Variants in SGSM1 observed in about 807,000 individuals in gnomAD.
SGSM1 encodes the protein small G protein signaling modulator 1, also known as RUN and TBC1 domain containing 2.
SGSM1 carries 73 observed loss-of-function variants against 133.8 expected under a neutral mutation model. That is an observed-to-expected ratio of 0.55 (90% CI 0.45 to 0.66). The LOEUF (loss-of-function observed/expected upper bound fraction) is 0.66. SGSM1 is among the 30% of genes least tolerant of loss of function. The pLI is 0.00. For missense variants in SGSM1, 1,213 were observed against 1,448.1 expected, an observed-to-expected ratio of 0.84 and a Z score of 2.64; for synonymous variants, 563 against 573.0, an observed-to-expected ratio of 0.98 and a Z score of 0.25.
At chr22:24,921,891 G>C (rs1426540334) in intron 24 of SGSM1, among the ~76,000 whole-genome samples, 1 of 151,952 alleles carries the variant, frequency 6.6e-6, no homozygotes, top group African/African-American at 2.4e-5. Context: ...AGTAGAGACA[G>C]GGTTTCTCCA....
rs769127682 is a variant in SGSM1 at position 24,912,766 on chromosome 22, TCCATTCTTG to T, written c.2928+16_2928+24del. On this transcript the variant is annotated intron_variant, in intron 22 of 24. Transcript: ENST00000400358. ...TCGTTGATCCAGGTATGACCCAGCA[TCCATTCTTG>T]CTTTGGACTTTTTTGGGAAACAGTT... 2.5e-6 allele frequency: 4 copies of T among 1,594,776 alleles called. No homozygotes were observed. In the African/African-American group the frequency reaches 5.4e-5, roughly 21 times the overall value.
intron 13 of SGSM1, among the ~76,000 whole-genome samples, 179 bp from the exon 14 acceptor site, chr22:24,879,283 G>C (rs115476078): frequency 6.6e-6 from 1 of 152,286 alleles, no homozygotes; most frequent in Admixed American, 6.5e-5. Flanking sequence ...AAATCAGGGG[G>C]CCGGTACCAG....
chr22:24,808,375 A>C (rs1252144976), intron 2 of SGSM1, among the ~76,000 whole-genome samples: 3 of 152,054 alleles, frequency 2.0e-5, no homozygotes, highest in Admixed American at 6.6e-5. Context: ...CGGCCTCCCA[A>C]AGTGCTGGAA....
chr22:24,872,024 C>T (rs1184907184), intron 12 of SGSM1, among the ~76,000 whole-genome samples: 1 of 152,202 alleles, frequency 6.6e-6, no homozygotes, highest in Non-Finnish European at 1.5e-5. Flanking sequence ...ACAGCCACAT[C>T]CATTCATTTA....
At chr22:24,906,296 T>C (rs888796716) in intron 21 of SGSM1, among the ~76,000 whole-genome samples, 1 of 152,056 alleles carries the variant, frequency 6.6e-6, no homozygotes, top group Non-Finnish European at 1.5e-5. Context: ...CTCACAAATA[T>C]CATCATACTC....
intron 2 of SGSM1, among the ~76,000 whole-genome samples, chr22:24,809,264 G>C (rs1927596462): frequency 6.6e-6 from 1 of 152,286 alleles, no homozygotes; most frequent in African/African-American, 2.4e-5. Context: ...AGAAATCTGA[G>C]AGTCAAATCA....
At chr22:24,897,177 C>T (rs1340705590) in intron 18 of SGSM1, among the ~76,000 whole-genome samples, 5 of 151,876 alleles carry the variant, frequency 3.3e-5, no homozygotes, top group Admixed American at 2.6e-4. Flanking sequence ...GTCAGGAGTT[C>T]GAGACCAGCC....
At position 24,838,163 on chromosome 22, in the gene SGSM1, T is replaced by G. The variant is rs571984279; in HGVS notation, c.64-6734T>G. 4.6e-5 allele frequency among the ~76,000 whole-genome samples: 7 copies of G among 152,374 alleles called. No homozygotes were observed. The East Asian group carries it at 1.2e-3, about 25-fold the overall frequency. On this transcript the variant is annotated intron_variant, in intron 2 of 24. Transcript: ENST00000400358. ...TTCTTTTGTATGTAGCTATCCAGTT[T>G]TCCCAACACCATTTGTTTTAAAGAC... is the stretch of plus-strand genomic sequence containing the variant.
chr22:24,820,491 G>A (rs983402388), intron 2 of SGSM1, among the ~76,000 whole-genome samples: 1 of 152,154 alleles, frequency 6.6e-6, no homozygotes, highest in Non-Finnish European at 1.5e-5. Flanking sequence ...CATGTTTAGG[G>A]CAGGTTATGC....
intron 3 of SGSM1, among the ~76,000 whole-genome samples, chr22:24,845,461 G>A (rs1930041404): frequency 6.6e-6 from 1 of 152,200 alleles, no homozygotes; most frequent in Non-Finnish European, 1.5e-5. Context: ...CAAGCTTCTG[G>A]AAATAACCCC....
intron 2 of SGSM1, among the ~76,000 whole-genome samples, chr22:24,829,869 C>T (rs1174018902): frequency 6.6e-6 from 1 of 152,204 alleles, no homozygotes; most frequent in Non-Finnish European, 1.5e-5. Flanking sequence ...TCCCAGACCA[C>T]CACTGCCCCT....
At chr22:24,836,850 A>C (rs1420850677) in intron 2 of SGSM1, among the ~76,000 whole-genome samples, 2 of 152,034 alleles carry the variant, frequency 1.3e-5, no homozygotes, top group African/African-American at 4.8e-5. Context: ...ATTTGCAGAT[A>C]TTTTCTTCTA....
At chr22:24,860,912 AAAAAAAAAAAAT>A (rs1257946363) in intron 9 of SGSM1, among the ~76,000 whole-genome samples, 14 of 97,772 alleles carry the variant, frequency 1.4e-4, no homozygotes, top group East Asian at 5.7e-4. Flanking sequence ...AAAAAAAAAA[AAAAAAAAAAAAT>A]ATATATATAT....
intron 5 of SGSM1, among the ~76,000 whole-genome samples, chr22:24,852,321 A>G (rs1930529461): frequency 6.6e-6 from 1 of 152,234 alleles, no homozygotes; most frequent in African/African-American, 2.4e-5. Flanking sequence ...GTGTAGTTTC[A>G]TATAACCCAC....
At chr22:24,866,437 A>G (rs1215310339) in intron 9 of SGSM1, among the ~76,000 whole-genome samples, 1 of 152,154 alleles carries the variant, frequency 6.6e-6, no homozygotes, top group Non-Finnish European at 1.5e-5. Flanking sequence ...TTAGGATGTG[A>G]GTTAGTCAAG....
At position 24,868,470 on chromosome 22, in the gene SGSM1, C is replaced by T. The variant is rs764801332; in HGVS notation, c.1089C>T (p.Leu363=). 2 of 1,613,884 alleles carry T rather than the reference C, an allele frequency of 1.2e-6. No individual in the cohort carries two copies. Among genetic ancestry groups the T allele is most frequent in the Admixed American group, 3.3e-5 (2 of 60,024 alleles). Residue 363 remains leucine, a synonymous_variant, in exon 11 of 25, where the codon CTC becomes CTT. Coordinates refer to ENST00000400358, the MANE Select transcript of SGSM1 (RefSeq NM_001098497.3). The part of the protein sequence containing the change: ...FPKGGHLLQF[L]SCLENGLLPH... The stretch of plus-strand genomic sequence containing the variant: ...AGGGCGGGCACCTCCTGCAGTTCCT[C>T]TCGTGCCTGGAGAATGGGCTGCTCC...
intron 2 of SGSM1, among the ~76,000 whole-genome samples, chr22:24,813,045 G>A (rs1927842499): frequency 6.6e-6 from 1 of 152,230 alleles, no homozygotes; most frequent in Admixed American, 6.5e-5. Flanking sequence ...GAGGTGGTCA[G>A]GGATGGCCTC....
At chr22:24,870,636 AG>A (rs1931723004) in intron 12 of SGSM1, among the ~76,000 whole-genome samples, 1 of 152,174 alleles carries the variant, frequency 6.6e-6, no homozygotes, top group Non-Finnish European at 1.5e-5. Flanking sequence ...TACCAGCTGC[AG>A]CTCCCTGCCT....
chr22:24,912,563 A>G lies in SGSM1; in HGVS notation c.2819-80A>G, dbSNP rs748158664. On this transcript the variant is annotated intron_variant, in intron 21 of 24. Coordinates refer to ENST00000400358, the MANE Select transcript of SGSM1 (RefSeq NM_001098497.3). Reference sequence around the variant, plus strand: ...CCAACATTGGAGGTCATATTTCAACATGAGATTTGGAGAGGACAAACATCT... The same window carrying G: ...CCAACATTGGAGGTCATATTTCAACGTGAGATTTGGAGAGGACAAACATCT... The G allele has an allele frequency of 3.5e-4, 321 of 926,768 alleles. 1 individual carries two copies. Among genetic ancestry groups the G allele is most frequent in the Non-Finnish European group, 4.7e-5 (28 of 594,714 alleles). The allele number at this position is 926,768 out of a possible 1,614,324, so 57.4% of individuals were successfully genotyped here. A position where few individuals can be genotyped will look rare whatever the true frequency, so the allele number is the denominator to read the frequency against.
Sources: gnomAD v4.1 joint callset for allele counts (sites outside exome capture counted in the v4.1 genomes callset) on GRCh38, gnomAD v4.1.1 for gene constraint, MANE v1.5 for transcripts, NCBI Gene and HGNC (gene_info 2026-07-23, HGNC 2026-07-21) for gene names.